NAALADL2: variants seen among roughly 807,000 people sequenced by gnomAD.
NAALADL2 encodes N-acetylated alpha-linked acidic dipeptidase like 2.
A neutral mutation model predicts 87.2 loss-of-function variants in NAALADL2; 76 were observed. The ratio of observed to expected loss-of-function variants is 0.87; its 90% CI spans 0.72 to 1.05. The LOEUF (loss-of-function observed/expected upper bound fraction) is 1.05. Ranked by LOEUF, NAALADL2 falls within the 50% of genes least tolerant of loss-of-function variation. NAALADL2 has a pLI of 0.00. For synonymous variants in NAALADL2, 354 were observed against 331.0 expected (o/e 1.07, Z -0.75); for missense variants, 1,089 against 945.8 (o/e 1.15, Z -1.99).
At chr3:174,816,460 C>T (rs1020873668) in intron 3 of NAALADL2, among the ~76,000 whole-genome samples, 2 of 148,686 alleles carry the variant, frequency 1.3e-5, no homozygotes, top group Non-Finnish European at 3.0e-5. Context: ...GAGGGAGAGA[C>T]TATATAATCT....
intron 4 of NAALADL2, among the ~76,000 whole-genome samples, chr3:175,277,652 TC>T (rs1753773459): frequency 6.6e-6 from 1 of 152,210 alleles, no homozygotes; most frequent in Non-Finnish European, 1.5e-5. Flanking sequence ...TGGATTTTTT[TC>T]ATCAGTAGAC....
intron 5 of NAALADL2, among the ~76,000 whole-genome samples, chr3:175,329,451 C>T (rs1761138877): frequency 6.6e-6 from 1 of 152,090 alleles, no homozygotes; most frequent in Non-Finnish European, 1.5e-5. Flanking sequence ...AAGTCATTAC[C>T]AGGTATTCCT....
intron 2 of NAALADL2, chr3:174,551,072 C>T (rs1159096983): frequency 1.3e-5 from 2 of 151,990 alleles, no homozygotes; most frequent in South Asian, 4.1e-4. Flanking sequence ...TATACATGTG[C>T]CATGCTGGTG....
intron 1 of NAALADL2, among the ~76,000 whole-genome samples, chr3:174,885,929 T>A (rs1730079787): frequency 2.5e-5 from 2 of 80,716 alleles, no homozygotes; most frequent in Non-Finnish European, 4.6e-5. Context: ...TTTTTTTTTT[T>A]TTTAGATGGA....
chr3:175,229,222 A>T (rs969381477), intron 2 of NAALADL2, among the ~76,000 whole-genome samples: 6 of 151,878 alleles, frequency 4.0e-5, no homozygotes, highest in African/African-American at 1.2e-4. Flanking sequence ...ACAAAAAAAA[A>T]AGTTAAATCT....
chr3:175,332,543 C>T (rs1761522439), intron 5 of NAALADL2, among the ~76,000 whole-genome samples: 1 of 152,172 alleles, frequency 6.6e-6, no homozygotes, highest in Admixed American at 6.5e-5. Flanking sequence ...TCTAGCAGTC[C>T]TCCTGCCTTC....
intron 9 of NAALADL2, among the ~76,000 whole-genome samples, chr3:175,512,857 C>T (rs73884439): frequency 0.079 from 12,041 of 152,142 alleles, 1,318 homozygotes; most frequent in African/African-American, 0.24. Flanking sequence ...GCCTTTGTTT[C>T]CTTGGATCAG....
At chr3:174,625,700 T>C (rs1488491963) in intron 2 of NAALADL2, among the ~76,000 whole-genome samples, 1 of 152,092 alleles carries the variant, frequency 6.6e-6, no homozygotes, top group Non-Finnish European at 1.5e-5. Context: ...ATAATTGACA[T>C]TAAATCTATA....
intron 2 of NAALADL2, among the ~76,000 whole-genome samples, chr3:175,193,283 T>C (rs1009878660): frequency 2.0e-5 from 3 of 151,878 alleles, no homozygotes; most frequent in Non-Finnish European, 2.9e-5. Context: ...GGGACCCATG[T>C]GCTCACAGAA....
At chr3:175,276,259 A>C (rs1476683091) in intron 4 of NAALADL2, among the ~76,000 whole-genome samples, 1 of 151,894 alleles carries the variant, frequency 6.6e-6, no homozygotes, top group African/African-American at 2.4e-5. Flanking sequence ...CAATTAAAAA[A>C]TAATTCTTGC....
intron 5 of NAALADL2, among the ~76,000 whole-genome samples, chr3:175,413,909 G>T (rs1042351575): frequency 1.3e-5 from 2 of 152,196 alleles, no homozygotes; most frequent in African/African-American, 4.8e-5. Context: ...TACTATTGTT[G>T]TTGTCCCCAT....
intron 4 of NAALADL2, chr3:175,257,295 T>G (rs540444165): frequency 6.6e-6 from 1 of 151,996 alleles, no homozygotes; most frequent in Admixed American, 6.6e-5. Context: ...TGAGCTTTGC[T>G]AACTCCCAGG....
chr3:175,682,802 C>T (rs141567011), intron 11 of NAALADL2, among the ~76,000 whole-genome samples: 353 of 152,020 alleles, frequency 2.3e-3, no homozygotes, highest in African/African-American at 7.6e-3. Context: ...CTCTAATTTT[C>T]AATTGCTTGC....
intron 11 of NAALADL2, among the ~76,000 whole-genome samples, chr3:175,666,818 C>G (rs1733065689): frequency 6.6e-6 from 1 of 151,882 alleles, no homozygotes; most frequent in Non-Finnish European, 1.5e-5. Context: ...GATAAAAAAA[C>G]AAAAATCCTG....
At chr3:174,466,655 A>T (rs1433114448) in intron 1 of NAALADL2, among the ~76,000 whole-genome samples, 5 of 152,172 alleles carry the variant, frequency 3.3e-5, no homozygotes, top group Admixed American at 1.3e-4. Flanking sequence ...ACCTCCTGTG[A>T]CAACCCTAAT....
At chr3:175,372,630 G>C (rs1475876942) in intron 5 of NAALADL2, among the ~76,000 whole-genome samples, 1 of 152,188 alleles carries the variant, frequency 6.6e-6, no homozygotes, top group Non-Finnish European at 1.5e-5. Context: ...TTAAAGTCCT[G>C]ACCAACATAT....
At chr3:175,202,393 G>A (rs1029909606) in intron 2 of NAALADL2, among the ~76,000 whole-genome samples, 1 of 152,266 alleles carries the variant, frequency 6.6e-6, no homozygotes. Flanking sequence ...TGATGGTGAG[G>A]TGGGTATGCT....
intron 1 of NAALADL2, among the ~76,000 whole-genome samples, chr3:175,091,615 A>G (rs1234573286): frequency 6.6e-6 from 1 of 152,026 alleles, no homozygotes; most frequent in Non-Finnish European, 1.5e-5. Flanking sequence ...TCAATGAATC[A>G]AGTCAAACTT....
chr3:174,713,942 T>A (rs1399392291), intron 2 of NAALADL2, among the ~76,000 whole-genome samples: 1 of 152,148 alleles, frequency 6.6e-6, no homozygotes, highest in African/African-American at 2.4e-5. Flanking sequence ...AGGTCTAACA[T>A]TTAAGTCTTT....
Sources: gnomAD v4.1 joint callset for allele counts (sites outside exome capture counted in the v4.1 genomes callset) on GRCh38, gnomAD v4.1.1 for gene constraint, MANE v1.5 for transcripts, NCBI Gene and HGNC (gene_info 2026-07-23, HGNC 2026-07-21) for gene names.